ELFN1: variants seen among roughly 807,000 people sequenced by gnomAD.
ELFN1 encodes protein ELFN1.
ELFN1 carries 6 observed loss-of-function variants against 7.6 expected under a neutral mutation model. The ratio of observed to expected loss-of-function variants is 0.79; its 90% confidence interval spans 0.43 to 1.56. The LOEUF (loss-of-function observed/expected upper bound fraction) is 1.56, where lower values mean the gene tolerates loss of function less well. ELFN1 is among the 40% of genes most tolerant of loss of function. The probability of loss-of-function intolerance (pLI) is 0.01; values close to 1 mark genes in which losing one functional copy is unlikely to be tolerated. For missense variants in ELFN1, 1,169 were observed against 1,232.2 expected, an observed-to-expected ratio of 0.95 and a Z score of 0.77; for synonymous variants, 657 against 588.1, an observed-to-expected ratio of 1.12 and a Z score of -1.70.
chr7:1,698,988 G>A (rs746701670), intron 2 of ELFN1, among the ~76,000 whole-genome samples: 6 of 152,062 alleles, frequency 3.9e-5, no homozygotes, highest in African/African-American at 1.5e-4. Flanking sequence ...GGCTCCTTCC[G>A]GCATAGCTGA....
rs911546148 is a variant in ELFN1 at position 1,746,472 on chromosome 7, C to T, written c.1876C>T (p.Arg626Trp). ...YKDAFGHSLQ[R>W]HHSVEAAGPP... is the part of the protein sequence containing the mutation. ...GGACGCCTTCGGCCACAGCCTGCAG[C>T]GGCACCACAGCGTGGAGGCCGCCGG... The change falls in exon 4 of 4, where the codon CGG becomes TGG. Residue 626 changes from arginine to tryptophan, a missense_variant. By Grantham distance (101) the Arg-to-Trp change is moderately radical (BLOSUM62 -3). Around this residue, in one of 2 missense-constraint regions of ELFN1, gnomAD observed 914 missense variants for 872.6 expected, o/e 1.05. Coordinates refer to ENST00000424383, the MANE Select transcript of ELFN1 (RefSeq NM_001128636.4). The T allele has an allele frequency of 2.6e-5, 40 of 1,519,636 alleles. No individual in the cohort carries two copies. The highest frequency in any genetic ancestry group is 2.1e-4 in the Middle Eastern group (1 of 4,832). The allele number at this position is 1,519,636 out of a possible 1,614,324, so 94.1% of individuals were successfully genotyped here.
At chr7:1,689,887 C>A (rs890456070) in intron 2 of ELFN1, among the ~76,000 whole-genome samples, 1 of 152,210 alleles carries the variant, frequency 6.6e-6, no homozygotes, top group Non-Finnish European at 1.5e-5. Flanking sequence ...CTTCCCCAAG[C>A]AGTCAGGGAT....
At chr7:1,728,805 C>G (rs1434101800) in intron 3 of ELFN1, among the ~76,000 whole-genome samples, 4 of 152,146 alleles carry the variant, frequency 2.6e-5, no homozygotes, top group Non-Finnish European at 1.5e-5. Flanking sequence ...CCACCCGGGT[C>G]CCAGCTCCTG....
In ELFN1 at chr7:1,744,619, C is replaced by A; in HGVS notation, c.23C>A (p.Ala8Glu). The change falls in exon 4 of 4, where the codon GCG becomes GAG. Residue 8 changes from alanine to glutamate, a missense_variant. By Grantham distance (107) the Ala-to-Glu change is moderately radical. Coordinates refer to ENST00000424383, the MANE Select transcript of ELFN1 (RefSeq NM_001128636.4). MAGRGWG[A>E]LWVCVAAATL... ...CCGATGGCCGGGCGTGGGTGGGGCG[C>A]GCTGTGGGTGTGCGTGGCGGCCGCC... 1 of 1,544,644 alleles carries A rather than the reference C, an allele frequency of 6.5e-7. No individual in the cohort carries two copies.
At chr7:1,667,135 C>A (rs1021329973), upstream of ELFN1, among the ~76,000 whole-genome samples, 1 of 151,912 alleles carries the variant, frequency 6.6e-6, no homozygotes, top group Admixed American at 6.5e-5. This position sits in a 1 kb window ranked among gnomAD's most constrained non-coding sequence, Gnocchi z 8.2. Flanking sequence ...CGGCCCCCCC[C>A]CGAACTTTTT....
chr7:1,744,516 A>G lies in ELFN1; in HGVS notation c.-81A>G. ...AGGCACCTCCCCCTCCCGCCCCTCC[A>G]TCCCTCTGGGGGCTGGCGCCTGGCC... On this transcript the variant is annotated 5_prime_UTR_variant, in exon 4 of 4. Coordinates refer to ENST00000424383, the MANE Select transcript of ELFN1 (RefSeq NM_001128636.4). The G allele has an allele frequency of 7.3e-7, 1 of 1,376,448 alleles. No individual in the cohort carries two copies. Among genetic ancestry groups the G allele is most frequent in the Non-Finnish European group, 9.5e-7 (1 of 1,054,090 alleles). The allele number at this position is 1,376,448 out of a possible 1,614,324, so 85.3% of individuals were successfully genotyped here.
At chr7:1,725,751 A>G (rs548287814) in intron 3 of ELFN1, among the ~76,000 whole-genome samples, 22 of 152,172 alleles carry the variant, frequency 1.4e-4, no homozygotes, top group Middle Eastern at 3.4e-3. Flanking sequence ...CAAGTGGTAG[A>G]CCCATGGCTG....
chr7:1,722,475 G>A (rs953113884), intron 3 of ELFN1, among the ~76,000 whole-genome samples: 7 of 151,746 alleles, frequency 4.6e-5, no homozygotes, highest in African/African-American at 1.7e-4. Flanking sequence ...CACCATATGG[G>A]TCAGGCTGGT....
chr7:1,718,927 C>A (rs1443275912), intron 3 of ELFN1, among the ~76,000 whole-genome samples: 1 of 152,194 alleles, frequency 6.6e-6, no homozygotes, highest in Non-Finnish European at 1.5e-5. Flanking sequence ...CGGAGCCACA[C>A]TCCAGGGGTT....
In ELFN1 at chr7:1,695,780, G is replaced by A. The variant is rs1293645008; in HGVS notation, c.-456+7630G>A. On this transcript the variant is annotated intron_variant, in intron 2 of 3. Transcript: ENST00000424383. The surrounding 1 kb of genome is among the most constrained non-coding windows in gnomAD (Gnocchi z 5.1). ...AAAAAAAAAAAAAAAAAACCGTGCT[G>A]GTTTGGTTTCACTGACTCCCATTCA... Among the ~76,000 whole-genome samples, 1 of 148,800 alleles carries A rather than the reference G, an allele frequency of 6.7e-6. No individual in the cohort carries two copies. The highest frequency in any genetic ancestry group is 1.5e-5 in the Non-Finnish European group (1 of 67,552).
intron 3 of ELFN1, among the ~76,000 whole-genome samples, chr7:1,743,256 C>T (rs553006055): frequency 7.9e-5 from 12 of 152,312 alleles, no homozygotes; most frequent in South Asian, 4.1e-4. Flanking sequence ...GAGGAGGCAC[C>T]GTCCTGCCTG....
At chr7:1,701,153 C>T (rs762465087) in intron 2 of ELFN1, among the ~76,000 whole-genome samples, 16 of 149,998 alleles carry the variant, frequency 1.1e-4, no homozygotes, top group South Asian at 2.1e-4. Context: ...GTGTGGTGCA[C>T]GCATGTGTGT....
rs1422809187 is a variant in ELFN1, at chr7:1,735,857, C to T, written c.-293-8447C>T. ...CTTCAGTAACTGGTGATGCATCCCCCACCACAACCCTGGGAGGCGGACACC... is the reference window on the plus strand; with the variant it reads ...CTTCAGTAACTGGTGATGCATCCCCTACCACAACCCTGGGAGGCGGACACC... On this transcript the variant is annotated intron_variant, in intron 3 of 3. Coordinates refer to ENST00000424383, the MANE Select transcript of ELFN1 (RefSeq NM_001128636.4). This position sits in a 1 kb window ranked among gnomAD's most constrained non-coding sequence, Gnocchi z 5.9. Among the ~76,000 whole-genome samples, 5 of 152,178 alleles carry T rather than the reference C, an allele frequency of 3.3e-5. No homozygotes were observed. The highest frequency in any genetic ancestry group is 2.1e-4 in the South Asian group (1 of 4,824).
chr7:1,722,265 C>CTTTTT (rs35253681), intron 3 of ELFN1, among the ~76,000 whole-genome samples: 1 of 135,284 alleles, frequency 7.4e-6, no homozygotes. Flanking sequence ...TTAGGAGCCA[C>CTTTTT]TTTTTTTTTT....
intron 1 of ELFN1, among the ~76,000 whole-genome samples, chr7:1,679,167 A>G (rs1778928040): frequency 6.7e-6 from 1 of 148,370 alleles, no homozygotes; most frequent in Non-Finnish European, 1.5e-5. Flanking sequence ...ACGCGTGCAC[A>G]CACGTACGCG....
At position 1,699,937 on chromosome 7, in the gene ELFN1, T is replaced by C. The variant is rs557076849; in HGVS notation, c.-455-9154T>C. Among the ~76,000 whole-genome samples the C allele has an allele frequency of 4.0e-5, 6 of 151,818 alleles. No individual in the cohort carries two copies. In the East Asian group the frequency reaches 1.2e-3, roughly 30 times the overall value. On this transcript the variant is annotated intron_variant, in intron 2 of 3. Coordinates refer to ENST00000424383, the MANE Select transcript of ELFN1 (RefSeq NM_001128636.4). The stretch of plus-strand genomic sequence containing the variant: ...CTGGTCTCGAACTCCTGAGCTCAGG[T>C]GACCCGCCCGCCTCAGCCTCCCAAA...
intron 1 of ELFN1, among the ~76,000 whole-genome samples, chr7:1,678,660 C>T (rs1028756018): frequency 5.9e-5 from 9 of 152,216 alleles, no homozygotes; most frequent in African/African-American, 2.2e-4. Flanking sequence ...CCTCTTCCTG[C>T]ACCCACCACC....
intron 3 of ELFN1, among the ~76,000 whole-genome samples, chr7:1,728,529 C>G (rs980639000): frequency 7.2e-5 from 11 of 152,196 alleles, no homozygotes; most frequent in Non-Finnish European, 1.5e-4. Context: ...AGCCACTGCC[C>G]CAGCGCTCAG....
chr7:1,718,884 C>T (rs1481931095), intron 3 of ELFN1, among the ~76,000 whole-genome samples: 1 of 152,196 alleles, frequency 6.6e-6, no homozygotes, highest in Non-Finnish European at 1.5e-5. Flanking sequence ...TGGGCCTCTG[C>T]CCTCATTTCT....
Sources: gnomAD v4.1 joint callset for allele counts (sites outside exome capture counted in the v4.1 genomes callset) on GRCh38, gnomAD v4.1.1 for gene constraint, gnomAD v4.1.1 regional missense constraint, Gnocchi (gnomAD v3.1) non-coding constraint, MANE v1.5 for transcripts, NCBI Gene and HGNC (gene_info 2026-07-23, HGNC 2026-07-21) for gene names.